Variants in LONP1 observed in about 807,000 individuals in gnomAD.
LONP1 encodes the protein lon peptidase 1, mitochondrial, also known as lon protease homolog, mitochondrial.
LONP1 carries 31 observed loss-of-function variants against 98.5 expected under a neutral mutation model. That is an observed-to-expected ratio of 0.31 (90% CI 0.24 to 0.42). LONP1 has a LOEUF of 0.42. LONP1 is among the 20% of genes least tolerant of loss of function. LONP1 has a pLI of 1.00. For missense variants in LONP1, 1,336 were observed against 1,350.6 expected, an observed-to-expected ratio of 0.99 and a Z score of 0.17; for synonymous variants, 781 against 594.7, an observed-to-expected ratio of 1.31 and a Z score of -4.56.
At chr19:5,705,159 C>CT (rs1470563463) in intron 8 of LONP1, among the ~76,000 whole-genome samples, 3 of 143,008 alleles carry the variant, frequency 2.1e-5, no homozygotes, top group African/African-American at 7.9e-5. Context: ...AAGACTCTGT[C>CT]TTAAAAAAAA....
intron 4 of LONP1, 22 bp from the exon 5 acceptor site, chr19:5,708,425 C>T (rs765725071): frequency 1.6e-4 from 188 of 1,151,112 alleles, no homozygotes; most frequent in Admixed American, 7.8e-4. Flanking sequence ...GGGGCAGGGT[C>T]GCTGGGGCCC....
chr19:5,713,095 T>C (rs1599477950), intron 3 of LONP1, 39 bp downstream of exon 3: 5 of 1,613,234 alleles, frequency 3.1e-6, no homozygotes, highest in Non-Finnish European at 4.2e-6. Context: ...CGCGTGGTAC[T>C]CTGCCCCCAC....
At chr19:5,710,518 C>T (rs910641938) in intron 4 of LONP1, among the ~76,000 whole-genome samples, 1 of 152,102 alleles carries the variant, frequency 6.6e-6, no homozygotes, top group Non-Finnish European at 1.5e-5. Flanking sequence ...ACAGGTTAGA[C>T]CACTGGTGTG....
chr19:5,701,487 C>T lies in LONP1; in HGVS notation c.1368-560G>A, dbSNP rs569947659. Reference sequence around the variant, plus strand: ...CTGCGATTGCAGGCGCGCGCCGCCACGCCTGACTGGTTTTCCTATTTTTTT... The same window carrying T: ...CTGCGATTGCAGGCGCGCGCCGCCATGCCTGACTGGTTTTCCTATTTTTTT... On this transcript the variant is annotated intron_variant, in intron 8 of 17. Coordinates refer to ENST00000360614, the MANE Select transcript of LONP1 (RefSeq NM_004793.4). Among the ~76,000 whole-genome samples, 290 of 152,320 alleles carry T rather than the reference C, an allele frequency of 1.9e-3. 3 individuals carry two copies. Among genetic ancestry groups the T allele is most frequent in the African/African-American group, 6.5e-3 (271 of 41,564 alleles).
intron 7 of LONP1, 92 bp from the exon 8 acceptor site, chr19:5,706,084 A>G: frequency 1.3e-6 from 1 of 795,968 alleles, no homozygotes; most frequent in Non-Finnish European, 2.1e-6. Flanking sequence ...CTGCTCCCCC[A>G]GGACTCAGAG....
intron 9 of LONP1, among the ~76,000 whole-genome samples, chr19:5,699,568 T>A (rs2055004768): frequency 6.7e-6 from 1 of 149,664 alleles, no homozygotes; most frequent in African/African-American, 2.5e-5. Context: ...TTTTTTTTTT[T>A]TTTTTTTGAG....
At chr19:5,694,680 G>T in intron 14 of LONP1, 81 bp downstream of exon 14, 1 of 1,567,668 alleles carries the variant, frequency 6.4e-7, no homozygotes, top group Non-Finnish European at 8.7e-7. Context: ...AAAGTGGGAT[G>T]ATGGGCATGG....
At chr19:5,709,519 C>G (rs937160496) in intron 4 of LONP1, among the ~76,000 whole-genome samples, 3 of 151,914 alleles carry the variant, frequency 2.0e-5, no homozygotes, top group African/African-American at 7.2e-5. Flanking sequence ...CCGTAATCAC[C>G]TGGTCTCTAG....
In LONP1 at chr19:5,714,286, A is replaced by C. The variant is rs1366134123; in HGVS notation, c.430-15T>G. On this transcript the variant is annotated splice_polypyrimidine_tract_variant and intron_variant, in intron 1 of 17. Transcript: ENST00000360614. ...TTATTTTTAACCTAGCATGACAATG[A>C]CCCCAAAGTGAAATGCAGAGTAGAT... 6.3e-7 allele frequency: 1 copy of C among 1,582,138 alleles called. No individual in the cohort carries two copies. Among genetic ancestry groups the C allele is most frequent in the Non-Finnish European group, 8.7e-7 (1 of 1,155,036 alleles).
rs1310131911 is a variant in LONP1, at chr19:5,705,806, G to A, written c.1333C>T (p.Leu445=). ...GAGGAGTGGTTGTCCAGCAGGCCCA[G>A]CTTGCTCAGCTCCTCGTCCACAACA... ...MDVVDEELSK[L]GLLDNHSSEF... is the part of the protein sequence containing the mutation. Residue 445 remains leucine, a synonymous_variant, in exon 8 of 18, where the codon CTG becomes TTG. Coordinates refer to ENST00000360614, the MANE Select transcript of LONP1 (RefSeq NM_004793.4). 1 of 1,614,062 alleles carries A rather than the reference G, an allele frequency of 6.2e-7. No homozygotes were observed. Among genetic ancestry groups the A allele is most frequent in the Non-Finnish European group, 8.5e-7 (1 of 1,180,040 alleles).
intron 8 of LONP1, among the ~76,000 whole-genome samples, chr19:5,702,325 C>T (rs1165034837): frequency 2.7e-5 from 4 of 147,232 alleles, no homozygotes; most frequent in Non-Finnish European, 6.0e-5. Flanking sequence ...GCCCCCCGCC[C>T]AGCCAGCCGC....
Position 5,705,606 on chromosome 19 carries a change from T to C in LONP1, c.1367+166A>G, listed in dbSNP as rs2485259. Among the ~76,000 whole-genome samples the C allele has an allele frequency of 0.67, 101,274 of 152,076 alleles. 34,253 individuals carry two copies. The highest frequency in any genetic ancestry group is 0.72 in the Middle Eastern group (211 of 294). On this transcript the variant is annotated intron_variant, in intron 8 of 17. Coordinates refer to ENST00000360614, the MANE Select transcript of LONP1 (RefSeq NM_004793.4). Reference sequence around the variant, plus strand: ...CCTTGTAGAATGGAGATGGTGATGATGTGTCCTGCCCAGAACAGGGCTGAT... The same window carrying C: ...CCTTGTAGAATGGAGATGGTGATGACGTGTCCTGCCCAGAACAGGGCTGAT...
rs1254234705 is a variant in LONP1, at chr19:5,716,788, AAAG to A, written c.430-2520_430-2518del. On this transcript the variant is annotated intron_variant, in intron 1 of 17. Coordinates refer to ENST00000360614, the MANE Select transcript of LONP1 (RefSeq NM_004793.4). ...TGGCGAGAGCAGAGCACACCTGAAC[AAAG>A]GAGGGAAGCAATTTTTTTTTAAGAC... Among the ~76,000 whole-genome samples, 186 of 152,266 alleles carry A rather than the reference AAAG, an allele frequency of 1.2e-3. 2 individuals carry two copies. Among genetic ancestry groups the A allele is most frequent in the East Asian group, 5.8e-4 (3 of 5,174 alleles).
upstream of LONP1, chr19:5,720,348 C>G: frequency 1.4e-6 from 1 of 714,622 alleles, no homozygotes; most frequent in South Asian, 2.3e-5. Context: ...AAGGCCTTTT[C>G]CGGTCACGTG....
rs768872818 is a variant in LONP1, at chr19:5,714,209, G to A, written c.492C>T (p.Val164=). 21 of 1,613,560 alleles carry A rather than the reference G, an allele frequency of 1.3e-5. 1 individual carries two copies. Among genetic ancestry groups the A allele is most frequent in the South Asian group, 4.4e-5 (4 of 90,984 alleles). ...RRKVRLAQPY[V]GVFLKRDDSN... is the part of the protein sequence containing the mutation. ...TGTCATCTCTCTTTAGAAAGACGCC[G>A]ACATAAGGCTGGGCGAGACGAACTT... Residue 164 remains valine, a synonymous_variant, in exon 2 of 18, where the codon GTC becomes GTT. Coordinates refer to ENST00000360614, the MANE Select transcript of LONP1 (RefSeq NM_004793.4).
intron 3 of LONP1, 104 bp from the exon 4 acceptor site, chr19:5,712,106 C>G: frequency 2.2e-6 from 2 of 930,076 alleles, no homozygotes; most frequent in Non-Finnish European, 3.2e-6. Context: ...CCCGCTGAGC[C>G]CAGACCTCTG....
intron 1 of LONP1, 54 bp downstream of exon 1, chr19:5,719,650 G>C: frequency 3.1e-6 from 5 of 1,612,692 alleles, no homozygotes; most frequent in Non-Finnish European, 4.2e-6. Flanking sequence ...CCACGGTTCA[G>C]CCCGCTGCTT....
At chr19:5,708,696 G>T (rs1042131447) in intron 4 of LONP1, 9 of 362,730 alleles carry the variant, frequency 2.5e-5, no homozygotes, top group Non-Finnish European at 4.6e-5. Context: ...AAGAGACTGT[G>T]TTTTCTTTCC....
At chr19:5,714,155 A>G in intron 2 of LONP1, 28 bp downstream of exon 2, 1 of 1,578,392 alleles carries the variant, frequency 6.3e-7, no homozygotes, top group East Asian at 2.2e-5. Flanking sequence ...CACCGTCAAC[A>G]AGGGAATGAA....
Sources: gnomAD v4.1 joint callset for allele counts (sites outside exome capture counted in the v4.1 genomes callset) on GRCh38, gnomAD v4.1.1 for gene constraint, MANE v1.5 for transcripts, NCBI Gene and HGNC (gene_info 2026-07-23, HGNC 2026-07-21) for gene names.